The following CLSTN2 variants were observed in gnomAD, a reference collection of about 807,000 sequenced individuals.
CLSTN2 encodes calsyntenin 2.
A neutral mutation model predicts 101.2 loss-of-function variants in CLSTN2; 48 were observed. The observed-to-expected ratio is 0.47, with a 90% CI of 0.38 to 0.60. The LOEUF (loss-of-function observed/expected upper bound fraction) is 0.60, where lower values mean the gene tolerates loss of function less well. Ranked by LOEUF, CLSTN2 falls within the 20% of genes least tolerant of loss-of-function variation. The pLI is 0.00. For synonymous variants in CLSTN2, 481 were observed against 463.6 expected, an observed-to-expected ratio of 1.04 and a Z score of -0.48; for missense variants, 1,160 against 1,238.2, an observed-to-expected ratio of 0.94 and a Z score of 0.95.
intron 2 of CLSTN2, among the ~76,000 whole-genome samples, chr3:140,395,404 G>A (rs1052744027): frequency 1.3e-5 from 2 of 152,110 alleles, no homozygotes; most frequent in Admixed American, 6.5e-5. Context: ...GTGTGTCATT[G>A]TAGCCTCATG....
intron 5 of CLSTN2, among the ~76,000 whole-genome samples, chr3:140,446,304 G>C (rs938469115): frequency 3.9e-5 from 6 of 152,262 alleles, no homozygotes; most frequent in Non-Finnish European, 5.9e-5. Context: ...TAACATAGAA[G>C]TAGGGATATT....
chr3:140,249,659 T>C (rs1218029857), intron 2 of CLSTN2, among the ~76,000 whole-genome samples: 1 of 152,194 alleles, frequency 6.6e-6, no homozygotes, highest in Non-Finnish European at 1.5e-5. Context: ...ATTGGGGGAC[T>C]GATAGGGAAA....
chr3:139,968,473 C>A (rs1246639643), intron 1 of CLSTN2, among the ~76,000 whole-genome samples: 1 of 152,170 alleles, frequency 6.6e-6, no homozygotes, highest in Non-Finnish European at 1.5e-5. Context: ...GATTTACTCT[C>A]TTCTACTCTT....
chr3:139,940,112 G>C (rs1343428725), intron 1 of CLSTN2, among the ~76,000 whole-genome samples: 1 of 152,182 alleles, frequency 6.6e-6, no homozygotes, highest in Non-Finnish European at 1.5e-5. Flanking sequence ...TCAAAGACCA[G>C]TGCTAGAGGC....
At chr3:140,081,902 A>G (rs748683878) in intron 1 of CLSTN2, among the ~76,000 whole-genome samples, 2 of 152,144 alleles carry the variant, frequency 1.3e-5, no homozygotes, top group Non-Finnish European at 2.9e-5. Context: ...ATTTTTTATT[A>G]TATATAAAAC....
At chr3:140,506,594 C>T (rs1475703706) in intron 8 of CLSTN2, 1 of 152,192 alleles carries the variant, frequency 6.6e-6, no homozygotes, top group Non-Finnish European at 1.5e-5. Flanking sequence ...GACCACCATT[C>T]ATCGATCCAC....
intron 2 of CLSTN2, among the ~76,000 whole-genome samples, chr3:140,210,779 T>C (rs1294923878): frequency 6.6e-6 from 1 of 150,696 alleles, no homozygotes; most frequent in Non-Finnish European, 1.5e-5. Context: ...AGGAGGAGGG[T>C]CATTATAGAA....
intron 2 of CLSTN2, among the ~76,000 whole-genome samples, chr3:140,366,554 T>A (rs1458527677): frequency 6.6e-6 from 1 of 152,180 alleles, no homozygotes; most frequent in Non-Finnish European, 1.5e-5. Context: ...CCTTGCATTG[T>A]CATTAGCTCA....
rs140117099 is a variant in CLSTN2, at chr3:140,025,836, C to A, written c.109+90353C>A. ...TGAGTCCTGTTTCAAGATGAACATG[C>A]GATGGAGACAGAAGCAGCTCACTGG... On this transcript the variant is annotated intron_variant, in intron 1 of 16. Coordinates refer to ENST00000458420, the MANE Select transcript of CLSTN2 (RefSeq NM_022131.3). Among the ~76,000 whole-genome samples the A allele has an allele frequency of 2.0e-5, 3 of 152,076 alleles. 1 individual carries two copies. The South Asian group carries it at 6.2e-4, about 32-fold the overall frequency.
chr3:140,137,672 C>A (rs2009635380), intron 1 of CLSTN2, among the ~76,000 whole-genome samples: 1 of 152,150 alleles, frequency 6.6e-6, no homozygotes, highest in Admixed American at 6.5e-5. Context: ...AGTAACTGTT[C>A]TTATGACTAT....
chr3:140,300,701 A>G (rs542243388), intron 2 of CLSTN2, among the ~76,000 whole-genome samples: 1 of 152,232 alleles, frequency 6.6e-6, no homozygotes, highest in East Asian at 1.9e-4. Context: ...TCAACTCAAG[A>G]TATCTTTACA....
At chr3:140,355,432 G>T (rs1426910093) in intron 2 of CLSTN2, among the ~76,000 whole-genome samples, 1 of 152,182 alleles carries the variant, frequency 6.6e-6, no homozygotes, top group Non-Finnish European at 1.5e-5. Flanking sequence ...TCAGCATATA[G>T]CATAGTTCCT....
intron 1 of CLSTN2, among the ~76,000 whole-genome samples, chr3:140,131,399 C>A (rs1461419980): frequency 6.6e-6 from 1 of 151,716 alleles, no homozygotes; most frequent in Non-Finnish European, 1.5e-5. Context: ...GCTCTGTATT[C>A]TTGCTTTCTT....
chr3:140,152,864 C>T (rs1198820881), intron 1 of CLSTN2, among the ~76,000 whole-genome samples: 1 of 152,196 alleles, frequency 6.6e-6, no homozygotes, highest in Non-Finnish European at 1.5e-5. Context: ...GACACAAATG[C>T]TTCATAATCC....
chr3:140,146,165 T>G (rs1423602526), intron 1 of CLSTN2, among the ~76,000 whole-genome samples: 3 of 152,166 alleles, frequency 2.0e-5, no homozygotes, highest in Admixed American at 1.3e-4. Flanking sequence ...GAGCACAGAA[T>G]TCATTACAGT....
chr3:140,400,805 C>T (rs2088233069), intron 2 of CLSTN2, among the ~76,000 whole-genome samples: 1 of 152,194 alleles, frequency 6.6e-6, no homozygotes, highest in Non-Finnish European at 1.5e-5. Context: ...GTGAAGCTAG[C>T]TCTGCCCCAC....
chr3:139,995,536 G>A (rs1242833048), intron 1 of CLSTN2, among the ~76,000 whole-genome samples: 1 of 152,126 alleles, frequency 6.6e-6, no homozygotes, highest in Admixed American at 6.5e-5. Flanking sequence ...TGAATTGTCT[G>A]CAGTTCTGGA....
intron 1 of CLSTN2, among the ~76,000 whole-genome samples, chr3:140,153,293 T>C (rs2009897431): frequency 6.6e-6 from 1 of 152,316 alleles, no homozygotes; most frequent in African/African-American, 2.4e-5. Flanking sequence ...TGCCAGGCAA[T>C]TAAAAAAGCA....
intron 2 of CLSTN2, among the ~76,000 whole-genome samples, chr3:140,269,323 A>G (rs1354979750): frequency 6.6e-6 from 1 of 152,206 alleles, no homozygotes; most frequent in African/African-American, 2.4e-5. Context: ...TATTGGGCCA[A>G]ATGAACCGAG....
Sources: gnomAD v4.1 joint callset for allele counts (sites outside exome capture counted in the v4.1 genomes callset) on GRCh38, gnomAD v4.1.1 for gene constraint, MANE v1.5 for transcripts, NCBI Gene and HGNC (gene_info 2026-07-23, HGNC 2026-07-21) for gene names.